The following PTPRJ variants were observed in gnomAD, a reference collection of about 807,000 sequenced individuals.
The protein encoded by PTPRJ is receptor-type tyrosine-protein phosphatase eta.
A neutral mutation model predicts 141.3 loss-of-function variants in PTPRJ; 129 were observed. That is an observed-to-expected ratio of 0.91 (90% CI 0.79 to 1.06). The LOEUF is 1.06. Ranked by LOEUF, PTPRJ falls within the 50% of genes least tolerant of loss-of-function variation. The pLI is 0.00. For synonymous variants in PTPRJ, 610 were observed against 640.5 expected (o/e 0.95, Z 0.72); for missense variants, 1,601 against 1,679.7 (o/e 0.95, Z 0.82).
intron 1 of PTPRJ, among the ~76,000 whole-genome samples, chr11:48,056,908 T>G (rs535749821): frequency 8.5e-5 from 13 of 152,362 alleles, no homozygotes; most frequent in Admixed American, 5.2e-4. Context: ...GAGCCGAGAT[T>G]GTGCTATAGC....
At chr11:48,007,424 CT>C (rs563118220) in intron 1 of PTPRJ, among the ~76,000 whole-genome samples, 3,366 of 148,384 alleles carry the variant, frequency 0.023, 119 homozygotes, top group African/African-American at 0.078. Flanking sequence ...TTTTTCTTTT[CT>C]TTTTTTTTTC....
chr11:48,052,907 T>C (rs998459791), intron 1 of PTPRJ, among the ~76,000 whole-genome samples: 2 of 151,230 alleles, frequency 1.3e-5, no homozygotes, highest in Admixed American at 6.7e-5. Context: ...CACCAGCCGC[T>C]AGGGGCCTGG....
At position 48,144,716 on chromosome 11, in the gene PTPRJ, G is replaced by A. The variant is rs755218393; in HGVS notation, c.2617G>A (p.Asp873Asn). ...SADVLKYTYE[D>N]FKKGASDTYV... ...AGATGTCCTGAAATACACGTATGAG[G>A]ATTTCAAAAAGGGAGCCTCAGATAC... Residue 873 changes from aspartate (D) to asparagine (N), a missense_variant, in exon 13 of 25, where the codon GAT becomes AAT. Asp to Asn is a conservative substitution (Grantham distance 23). Coordinates refer to ENST00000418331, the MANE Select transcript of PTPRJ (RefSeq NM_002843.4). 2.5e-6 allele frequency: 4 copies of A among 1,614,058 alleles called. No homozygotes were observed. The highest frequency in any genetic ancestry group is 1.7e-5 in the Admixed American group (1 of 60,014).
chr11:48,124,115 C>G (rs1033707924), intron 5 of PTPRJ, among the ~76,000 whole-genome samples: 1 of 152,220 alleles, frequency 6.6e-6, no homozygotes. Flanking sequence ...AGTCTGGCAC[C>G]CAGGAAAGTT....
intron 1 of PTPRJ, among the ~76,000 whole-genome samples, chr11:48,047,866 G>T (rs1854451174): frequency 1.3e-5 from 2 of 152,152 alleles, no homozygotes; most frequent in African/African-American, 4.8e-5. Flanking sequence ...CAGATGCCGG[G>T]TGGTTCTGTT....
intron 22 of PTPRJ, among the ~76,000 whole-genome samples, chr11:48,161,908 C>T (rs950163915): frequency 2.2e-4 from 33 of 152,108 alleles, no homozygotes; most frequent in Non-Finnish European, 3.8e-4. Context: ...TCACTGTGCC[C>T]GGCCTGTCAT....
At chr11:48,140,274 C>A (rs1372493166) in intron 11 of PTPRJ, among the ~76,000 whole-genome samples, 3 of 152,206 alleles carry the variant, frequency 2.0e-5, no homozygotes, top group African/African-American at 7.2e-5. Flanking sequence ...AAGTGATCCA[C>A]CCGCCTTGGC....
At chr11:48,042,094 AC>A (rs1252628190) in intron 1 of PTPRJ, among the ~76,000 whole-genome samples, 1 of 152,152 alleles carries the variant, frequency 6.6e-6, no homozygotes, top group Non-Finnish European at 1.5e-5. Flanking sequence ...CAATAAAGAT[AC>A]AATCTCTTTG....
intron 23 of PTPRJ, 34 bp from the exon 24 acceptor site, chr11:48,164,346 C>A (rs761520272): frequency 6.2e-7 from 1 of 1,607,104 alleles, no homozygotes; most frequent in Non-Finnish European, 8.5e-7. Context: ...TCGAGGGAAC[C>A]CACTGTAATA....
At chr11:48,162,491 A>G (rs541600928) in intron 22 of PTPRJ, among the ~76,000 whole-genome samples, 18 of 151,818 alleles carry the variant, frequency 1.2e-4, no homozygotes, top group Non-Finnish European at 2.2e-4. Context: ...AAATGTGTGA[A>G]TGTTAACTTT....
At chr11:48,122,826 C>T (rs1029097116) in intron 4 of PTPRJ, among the ~76,000 whole-genome samples, 2 of 152,290 alleles carry the variant, frequency 1.3e-5, no homozygotes, top group Non-Finnish European at 2.9e-5. Flanking sequence ...GATGTCTTTA[C>T]CTTCAGGCCC....
intron 1 of PTPRJ, among the ~76,000 whole-genome samples, chr11:48,063,423 G>A (rs1232606215): frequency 6.6e-6 from 1 of 152,152 alleles, no homozygotes; most frequent in Admixed American, 6.5e-5. Context: ...TCTCTTTCTC[G>A]CACTGCTCTA....
At chr11:47,988,632 C>T (rs1018874716) in intron 1 of PTPRJ, among the ~76,000 whole-genome samples, 1 of 152,128 alleles carries the variant, frequency 6.6e-6, no homozygotes, top group Non-Finnish European at 1.5e-5. Flanking sequence ...TGTAATGTTT[C>T]TGGTGGATAT....
intron 23 of PTPRJ, 37 bp downstream of exon 23, chr11:48,163,655 A>G (rs745929797): frequency 6.4e-7 from 1 of 1,573,504 alleles, no homozygotes; most frequent in Middle Eastern, 1.7e-4. Context: ...CAGATTTCAA[A>G]TGTCATTATA....
rs981747747 is a variant in PTPRJ, at chr11:48,170,722, T to G, written c.*3360T>G. On this transcript the variant is annotated 3_prime_UTR_variant, in exon 25 of 25. Transcript: ENST00000418331. ...TTGGAATGATGCATATTTCTAATGTTTGTTATACTTGTACAGAGTATTGCT... is the reference window on the plus strand; with the variant it reads ...TTGGAATGATGCATATTTCTAATGTGTGTTATACTTGTACAGAGTATTGCT... 7 of 151,758 alleles carry G rather than the reference T, an allele frequency of 4.6e-5. No individual in the cohort carries two copies. Among genetic ancestry groups the G allele is most frequent in the Admixed American group, 3.9e-4 (6 of 15,196 alleles). 9.4% of individuals were successfully genotyped at this position (151,758 alleles called of 1,614,324 possible).
chr11:48,069,075 A>G (rs939051613), intron 1 of PTPRJ, among the ~76,000 whole-genome samples: 9 of 152,020 alleles, frequency 5.9e-5, no homozygotes, highest in African/African-American at 2.2e-4. Context: ...CCAGTTAAGA[A>G]TAAGATGTGT....
intron 1 of PTPRJ, among the ~76,000 whole-genome samples, chr11:48,013,412 A>G (rs1460106511): frequency 6.6e-6 from 1 of 152,192 alleles, no homozygotes; most frequent in Non-Finnish European, 1.5e-5. Flanking sequence ...GGTACTAGGT[A>G]GACTCAGATG....
chr11:48,152,810 T>A (rs1857515585), intron 18 of PTPRJ, among the ~76,000 whole-genome samples: 1 of 152,244 alleles, frequency 6.6e-6, no homozygotes, highest in Non-Finnish European at 1.5e-5. Context: ...ACCAGTGCCA[T>A]GCTCTTTTGG....
At chr11:48,057,702 GA>G (rs1242386365) in intron 1 of PTPRJ, among the ~76,000 whole-genome samples, 1 of 151,568 alleles carries the variant, frequency 6.6e-6, no homozygotes, top group Admixed American at 6.6e-5. Flanking sequence ...AGTTTTGAGG[GA>G]AAAAAAACTT....
Sources: allele counts gnomAD v4.1 joint callset (sites outside exome capture counted in the v4.1 genomes callset), GRCh38; gene constraint gnomAD v4.1.1; transcripts MANE v1.5; gene names NCBI Gene and HGNC (gene_info 2026-07-23, HGNC 2026-07-21).